IL22RA2: variants seen among roughly 807,000 people sequenced by gnomAD.
IL22RA2 encodes interleukin-22 receptor subunit alpha-2.
Under a neutral mutation model 30.7 loss-of-function variants are expected in IL22RA2, and 39 were observed. The observed-to-expected ratio is 1.27, with a 90% CI of 0.98 to 1.66. The LOEUF is 1.66. Ranked by LOEUF, IL22RA2 falls within the 40% of genes most tolerant of loss-of-function variation. The pLI, the probability that IL22RA2 is intolerant of heterozygous loss-of-function variation, is 0.00. For missense variants in IL22RA2, 315 were observed against 312.7 expected (o/e 1.01, Z -0.05); for synonymous variants, 103 against 105.0 (o/e 0.98, Z 0.11).
chr6:137,162,265 G>A (rs530313646), intron 1 of IL22RA2, among the ~76,000 whole-genome samples: 166 of 152,288 alleles, frequency 1.1e-3, no homozygotes, highest in African/African-American at 3.9e-3. Flanking sequence ...GGGGTCTATC[G>A]TTGATTCACT....
At position 137,161,700 on chromosome 6, in the gene IL22RA2, G is replaced by A. The variant is rs748119720; in HGVS notation, c.50C>T (p.Thr17Ile). The change falls in exon 2 of 7, where the codon ACT (threonine) becomes ATT (isoleucine). Residue 17 changes from threonine to isoleucine, a missense_variant. Thr to Ile is a moderately conservative substitution (Grantham distance 89). Transcript: ENST00000296980. ...AACAAAGCACTTACCTGCTACACCA[G>A]TAAGGAAGAAACTGATGAGGAAGCC... ...FLGFLISFFL[T>I]GVAGTQSTHE... is the part of the protein sequence containing the mutation. The A allele has an allele frequency of 6.2e-7, 1 of 1,613,418 alleles. No homozygotes were observed. Among genetic ancestry groups the A allele is most frequent in the South Asian group, 1.1e-5 (1 of 91,040 alleles).
At chr6:137,153,474 A>G (rs1465597726) in intron 5 of IL22RA2, among the ~76,000 whole-genome samples, 2 of 152,168 alleles carry the variant, frequency 1.3e-5, no homozygotes, top group East Asian at 3.8e-4. Flanking sequence ...AAGAAGTAGA[A>G]GTGGGAGGGG....
chr6:137,168,345 G>T (rs1778661730), intron 1 of IL22RA2, among the ~76,000 whole-genome samples: 1 of 152,122 alleles, frequency 6.6e-6, no homozygotes, highest in Non-Finnish European at 1.5e-5. Context: ...GTCCAAATTT[G>T]GTGAACCCCT....
chr6:137,163,009 C>T (rs907565456), intron 1 of IL22RA2, among the ~76,000 whole-genome samples: 1 of 152,208 alleles, frequency 6.6e-6, no homozygotes, highest in African/African-American at 2.4e-5. Flanking sequence ...GGAATATTAA[C>T]AGCCTGTCTT....
intron 2 of IL22RA2, among the ~76,000 whole-genome samples, chr6:137,159,575 G>A (rs558036688): frequency 7.2e-5 from 11 of 152,166 alleles, no homozygotes; most frequent in Admixed American, 3.9e-4. Context: ...CGCCCACCTC[G>A]GCCTCCCAAA....
In IL22RA2 at chr6:137,156,776, G is replaced by A. The variant is rs1393006300; in HGVS notation, c.276C>T (p.Gly92=). The part of the protein sequence containing the change: ...CWQHISCNFP[G]CRTLAKYGQR... ...AGGTGTACTTAGCCAATGTTCTGCA[G>A]CCTGGGAAGTTACAAGAAATGTGCT... The change falls in exon 4 of 7, where the codon GGC becomes GGT. Residue 92 remains glycine, a synonymous_variant. Transcript: ENST00000296980. 6.2e-7 allele frequency: 1 copy of A among 1,613,770 alleles called. No homozygotes were observed. The highest frequency in any genetic ancestry group is 8.5e-7 in the Non-Finnish European group (1 of 1,179,820).
chr6:137,166,085 G>T (rs1778620430), intron 1 of IL22RA2, among the ~76,000 whole-genome samples: 1 of 152,202 alleles, frequency 6.6e-6, no homozygotes, highest in Non-Finnish European at 1.5e-5. Context: ...AAGCTGAAAA[G>T]ACTTAAAGGA....
intron 1 of IL22RA2, among the ~76,000 whole-genome samples, chr6:137,164,081 G>A (rs563458717): frequency 3.3e-5 from 5 of 152,228 alleles, no homozygotes; most frequent in African/African-American, 9.6e-5. Flanking sequence ...GAGTGAAAGT[G>A]CATCACAAGG....
chr6:137,147,645 A>C, intron 6 of IL22RA2, 77 bp downstream of exon 6: 1 of 1,161,332 alleles, frequency 8.6e-7, no homozygotes, highest in Non-Finnish European at 1.2e-6. Flanking sequence ...GCAGAAGAGG[A>C]CATCTCATAT....
chr6:137,159,294 G>T (rs1038425696), intron 2 of IL22RA2, among the ~76,000 whole-genome samples: 2 of 152,070 alleles, frequency 1.3e-5, no homozygotes, highest in Non-Finnish European at 2.9e-5. Flanking sequence ...TAAGGGATAA[G>T]AAGTTGGGCA....
At chr6:137,147,934 G>A (rs1440018209) in intron 5 of IL22RA2, 43 bp from the exon 6 acceptor site, 3 of 1,525,536 alleles carry the variant, frequency 2.0e-6, no homozygotes, top group Non-Finnish European at 9.1e-7. Flanking sequence ...TCAAAGGAAT[G>A]TATTATATAC....
rs142972924 is a variant in IL22RA2, at chr6:137,156,876, A to G, written c.198-22T>C. On this transcript the variant is annotated intron_variant, in intron 3 of 6. Coordinates refer to ENST00000296980, the MANE Select transcript of IL22RA2 (RefSeq NM_052962.3). Reference sequence around the variant, plus strand: ...CATGCTAGAGAAGGTCAATGGGGAAAACAGATCGTGTGAAGAGGCCAAACT... The same window carrying G: ...CATGCTAGAGAAGGTCAATGGGGAAGACAGATCGTGTGAAGAGGCCAAACT... 564 of 1,600,108 alleles carry G rather than the reference A, an allele frequency of 3.5e-4. 2 individuals are homozygous for G. In the African/African-American group the frequency reaches 6.7e-3, roughly 19 times the overall value.
At chr6:137,150,274 G>A (rs1410977971) in intron 5 of IL22RA2, among the ~76,000 whole-genome samples, 2 of 152,054 alleles carry the variant, frequency 1.3e-5, no homozygotes, top group African/African-American at 4.8e-5. Flanking sequence ...TTTGAAATAT[G>A]TTCTTCAGAA....
chr6:137,158,976 A>T lies in IL22RA2; in HGVS notation c.62-494T>A, dbSNP rs79346465. 3.9e-5 allele frequency among the ~76,000 whole-genome samples: 6 copies of T among 152,240 alleles called. No homozygotes were observed. The East Asian group carries it at 1.2e-3, about 29-fold the overall frequency. Reference sequence around the variant, plus strand: ...TGCTCAATCTCTGGGTCCTGCTTCCAGGTAGGTCTGCCTTTGCTGTCCCAC... The same window carrying T: ...TGCTCAATCTCTGGGTCCTGCTTCCTGGTAGGTCTGCCTTTGCTGTCCCAC... On this transcript the variant is annotated intron_variant, in intron 2 of 6. Transcript: ENST00000296980.
intron 6 of IL22RA2, among the ~76,000 whole-genome samples, chr6:137,146,460 C>G (rs577419027): frequency 1.3e-5 from 2 of 152,274 alleles, no homozygotes; most frequent in South Asian, 4.1e-4. Flanking sequence ...TCCCTTAGAA[C>G]TCACTTCCGT....
At chr6:137,170,560 T>C (rs1051566739) in intron 1 of IL22RA2, among the ~76,000 whole-genome samples, 7 of 152,246 alleles carry the variant, frequency 4.6e-5, no homozygotes, top group African/African-American at 1.4e-4. Context: ...CCTTTGTTTC[T>C]TGCTTCTGTA....
intron 5 of IL22RA2, among the ~76,000 whole-genome samples, chr6:137,148,455 T>C (rs1160657040): frequency 6.6e-6 from 1 of 152,194 alleles, no homozygotes; most frequent in East Asian, 1.9e-4. Context: ...CTCCCTGCCT[T>C]GTGCTGGCCT....
rs772326654 is a variant in IL22RA2, at chr6:137,145,608, T to A, written c.*16A>T. On this transcript the variant is annotated 3_prime_UTR_variant, in exon 7 of 7. Transcript: ENST00000296980. ...GCTTTAGAATTTCCACATTGCTGAA[T>A]GCCAAATTCCACAAGTCATGGAATT... 6.3e-7 allele frequency: 1 copy of A among 1,594,902 alleles called. No homozygotes were observed. Among genetic ancestry groups the A allele is most frequent in the African/African-American group, 1.3e-5 (1 of 74,452 alleles).
chr6:137,154,303 A>C (rs1373133957), intron 5 of IL22RA2, among the ~76,000 whole-genome samples: 1 of 152,148 alleles, frequency 6.6e-6, no homozygotes, highest in African/African-American at 2.4e-5. Context: ...CACTATGACA[A>C]ATTCTGCTGT....
Sources: gnomAD v4.1 joint callset for allele counts (sites outside exome capture counted in the v4.1 genomes callset) on GRCh38, gnomAD v4.1.1 for gene constraint, MANE v1.5 for transcripts, NCBI Gene and HGNC (gene_info 2026-07-23, HGNC 2026-07-21) for gene names.